KCNIP1: variants seen among roughly 807,000 people sequenced by gnomAD.
The protein encoded by KCNIP1 is A-type potassium channel modulatory protein KCNIP1.
KCNIP1 carries 18 observed loss-of-function variants against 33.0 expected under a neutral mutation model. The ratio of observed to expected loss-of-function variants is 0.55; its 90% confidence interval spans 0.38 to 0.81. The LOEUF (loss-of-function observed/expected upper bound fraction) is 0.81. KCNIP1 is among the 30% of genes least tolerant of loss of function. The probability of loss-of-function intolerance (pLI) is 0.00; values close to 1 mark genes in which losing one functional copy is unlikely to be tolerated. For missense variants in KCNIP1, 238 were observed against 271.6 expected (o/e 0.88, Z 0.87); for synonymous variants, 93 against 98.3 (o/e 0.95, Z 0.32).
intron 1 of KCNIP1, among the ~76,000 whole-genome samples, chr5:170,464,591 G>C (rs575498693): frequency 6.9e-4 from 105 of 152,332 alleles, no homozygotes; most frequent in African/African-American, 2.5e-3. Context: ...CACTGTCTCA[G>C]TATTTCAGAT....
intron 1 of KCNIP1, among the ~76,000 whole-genome samples, chr5:170,367,413 GAAAGA>G (rs1365039294): frequency 1.6e-4 from 15 of 90,930 alleles, no homozygotes; most frequent in Admixed American, 8.5e-4. Context: ...AAGAAAGAAA[GAAAGA>G]AAGGAAAGAA....
chr5:170,408,798 A>G (rs1755105084), intron 1 of KCNIP1, among the ~76,000 whole-genome samples: 1 of 152,226 alleles, frequency 6.6e-6, no homozygotes, highest in South Asian at 2.1e-4. Context: ...AGAAAAAAGA[A>G]TGCACAGAAA....
intron 1 of KCNIP1, among the ~76,000 whole-genome samples, chr5:170,458,395 A>G (rs933189045): frequency 3.3e-5 from 5 of 152,224 alleles, no homozygotes; most frequent in East Asian, 1.9e-4. Context: ...ACACATTGTC[A>G]TCAGGTTATC....
intron 1 of KCNIP1, among the ~76,000 whole-genome samples, chr5:170,388,960 C>G (rs773829794): frequency 3.3e-5 from 5 of 152,230 alleles, no homozygotes; most frequent in Non-Finnish European, 7.3e-5. Flanking sequence ...TGTCCCACCT[C>G]TCTACCGGTG....
chr5:170,658,914 A>G (rs1359878486), intron 1 of KCNIP1, among the ~76,000 whole-genome samples: 1 of 152,126 alleles, frequency 6.6e-6, no homozygotes, highest in East Asian at 1.9e-4. Context: ...GGAGCCTAGA[A>G]ACTGAGACAG....
chr5:170,546,664 A>G (rs1400965720), intron 1 of KCNIP1, among the ~76,000 whole-genome samples: 1 of 151,618 alleles, frequency 6.6e-6, no homozygotes, highest in Non-Finnish European at 1.5e-5. Flanking sequence ...CAAATTTTCT[A>G]TTTTTGCGGC....
At chr5:170,475,818 C>T (rs185456578) in intron 1 of KCNIP1, among the ~76,000 whole-genome samples, 34 of 152,122 alleles carry the variant, frequency 2.2e-4, no homozygotes, top group Admixed American at 3.9e-4. Flanking sequence ...CACCCCCTGC[C>T]GAGAAGAAAC....
At position 170,504,556 on chromosome 5, in the gene KCNIP1, C is replaced by CTTG. The variant is rs943416417; in HGVS notation, c.-16_-15insTGT. ...GCCGGGCCCGGGGTCCCAACTCGCA[C>CTTG]TCAAGTCTTCGCTGCCATGGGGGCC... On this transcript the variant is annotated 5_prime_UTR_variant, in exon 1 of 8. Transcript: ENST00000328939. The surrounding 1 kb of genome is among the most constrained non-coding windows in gnomAD (Gnocchi z 6.0). 5.0e-6 allele frequency: 8 copies of CTTG among 1,612,974 alleles called. No homozygotes were observed. The African/African-American group carries it at 1.1e-4, about 22-fold the overall frequency.
chr5:170,543,797 T>C (rs1387574976), intron 1 of KCNIP1, among the ~76,000 whole-genome samples: 1 of 152,252 alleles, frequency 6.6e-6, no homozygotes, highest in Non-Finnish European at 1.5e-5. Context: ...GGAAAAGTTA[T>C]CCAACAATAC....
At chr5:170,476,737 C>T (rs1347522510) in intron 1 of KCNIP1, among the ~76,000 whole-genome samples, 3 of 152,172 alleles carry the variant, frequency 2.0e-5, no homozygotes, top group Admixed American at 1.3e-4. Context: ...GACATCCACT[C>T]TTAAGGAAAA....
chr5:170,645,315 G>A (rs969583946), intron 1 of KCNIP1, among the ~76,000 whole-genome samples: 1 of 152,148 alleles, frequency 6.6e-6, no homozygotes, highest in Non-Finnish European at 1.5e-5. Flanking sequence ...CCAAAAGAAA[G>A]TGAGAGTAGC....
At chr5:170,437,356 G>T (rs1755889703) in intron 1 of KCNIP1, among the ~76,000 whole-genome samples, 1 of 152,190 alleles carries the variant, frequency 6.6e-6, no homozygotes, top group South Asian at 2.1e-4. Flanking sequence ...TGCCAAGGTG[G>T]CAGATCTGGG....
intron 1 of KCNIP1, among the ~76,000 whole-genome samples, chr5:170,560,360 G>A (rs915787237): frequency 8.5e-5 from 13 of 152,196 alleles, no homozygotes; most frequent in African/African-American, 3.1e-4. Context: ...AGATCTGCTG[G>A]AGGAACACAG....
chr5:170,517,645 A>G (rs1210681100), intron 1 of KCNIP1, among the ~76,000 whole-genome samples: 1 of 149,630 alleles, frequency 6.7e-6, no homozygotes, highest in Non-Finnish European at 1.5e-5. Flanking sequence ...TGGTAGTATG[A>G]CAGCGATGGT....
At chr5:170,680,497 C>G (rs1201933441) in intron 1 of KCNIP1, 2 of 152,178 alleles carry the variant, frequency 1.3e-5, no homozygotes, top group Non-Finnish European at 2.9e-5. Flanking sequence ...AACTGAGACG[C>G]ACTCCAGCTT....
intron 1 of KCNIP1, among the ~76,000 whole-genome samples, chr5:170,482,593 G>A (rs574722516): frequency 6.6e-6 from 1 of 152,240 alleles, no homozygotes; most frequent in African/African-American, 2.4e-5. Flanking sequence ...TATATCTGAT[G>A]TTAGTGTTTT....
intron 1 of KCNIP1, among the ~76,000 whole-genome samples, chr5:170,592,151 TC>T (rs1476738901): frequency 6.6e-6 from 1 of 152,220 alleles, no homozygotes; most frequent in African/African-American, 2.4e-5. Flanking sequence ...TTAATAGTCA[TC>T]CTAATGGGTG....
chr5:170,714,095 G>A (rs1763556200), intron 1 of KCNIP1, among the ~76,000 whole-genome samples: 1 of 152,166 alleles, frequency 6.6e-6, no homozygotes, highest in African/African-American at 2.4e-5. Context: ...GGCACTATTG[G>A]CCAGTCCAGG....
intron 1 of KCNIP1, among the ~76,000 whole-genome samples, chr5:170,476,331 A>G (rs1030858966): frequency 1.3e-5 from 2 of 152,232 alleles, no homozygotes; most frequent in Non-Finnish European, 2.9e-5. Context: ...GACTAATTAC[A>G]ATAACAGATG....
Sources: allele counts gnomAD v4.1 joint callset (sites outside exome capture counted in the v4.1 genomes callset), GRCh38; gene constraint gnomAD v4.1.1; non-coding constraint Gnocchi (gnomAD v3.1); transcripts MANE v1.5; gene names NCBI Gene and HGNC (gene_info 2026-07-23, HGNC 2026-07-21).